EPB41L4B: variants seen among roughly 807,000 people sequenced by gnomAD.
EPB41L4B encodes the protein erythrocyte membrane protein band 4.1 like 4B, also known as band 4.1-like protein 4B.
In EPB41L4B, 30 loss-of-function variants were observed where a neutral mutation model predicts 112.5. That is an observed-to-expected ratio of 0.27 (90% CI 0.20 to 0.36). The LOEUF (loss-of-function observed/expected upper bound fraction) is 0.36. Among genes scored for constraint, EPB41L4B ranks in the 10% least tolerant of loss-of-function variants. The pLI, the probability that EPB41L4B is intolerant of heterozygous loss-of-function variation, is 1.00. For missense variants in EPB41L4B, 1,024 were observed against 1,133.3 expected (o/e 0.90, Z 1.38); for synonymous variants, 408 against 439.7 (o/e 0.93, Z 0.90).
At chr9:109,233,581 A>C (rs1464711072) in intron 15 of EPB41L4B, among the ~76,000 whole-genome samples, 1 of 137,754 alleles carries the variant, frequency 7.3e-6, no homozygotes, top group Non-Finnish European at 1.5e-5. Flanking sequence ...CCCAGGCTGG[A>C]GTGCAGTGGT....
chr9:109,224,633 T>A (rs925920912), intron 15 of EPB41L4B, among the ~76,000 whole-genome samples: 1 of 152,152 alleles, frequency 6.6e-6, no homozygotes, highest in Non-Finnish European at 1.5e-5. Flanking sequence ...ATTGCAGCGA[T>A]GGTTGCACAA....
chr9:109,295,745 C>G (rs1836711246), intron 1 of EPB41L4B, among the ~76,000 whole-genome samples: 1 of 152,018 alleles, frequency 6.6e-6, no homozygotes, highest in Admixed American at 6.6e-5. Flanking sequence ...AGGTTAAGAA[C>G]CAAATATGCA....
chr9:109,238,728 C>T (rs371780950), intron 15 of EPB41L4B, among the ~76,000 whole-genome samples: 3 of 152,120 alleles, frequency 2.0e-5, no homozygotes, highest in African/African-American at 7.2e-5. Context: ...GAGGTGGGGC[C>T]GTCAAGAGTC....
intron 2 of EPB41L4B, among the ~76,000 whole-genome samples, chr9:109,273,052 T>C (rs1470473241): frequency 6.6e-6 from 1 of 152,110 alleles, no homozygotes; most frequent in South Asian, 2.1e-4. Flanking sequence ...CTCCCCATGA[T>C]GACCAAGCCC....
At chr9:109,270,574 A>G (rs1472566710) in intron 2 of EPB41L4B, among the ~76,000 whole-genome samples, 1 of 152,244 alleles carries the variant, frequency 6.6e-6, no homozygotes, top group Admixed American at 6.5e-5. Context: ...TTTCCTACCA[A>G]GTAACATGCT....
chr9:109,293,751 C>A (rs949578452), intron 1 of EPB41L4B, among the ~76,000 whole-genome samples: 1 of 149,904 alleles, frequency 6.7e-6, no homozygotes, highest in Non-Finnish European at 1.5e-5. Flanking sequence ...TTGAAGGGCA[C>A]TAACTCTGTT....
chr9:109,265,551 A>AAC (rs10631824), intron 4 of EPB41L4B, among the ~76,000 whole-genome samples: 126,408 of 150,012 alleles, frequency 0.84, 53,570 homozygotes, highest in Middle Eastern at 0.94. Context: ...ACAGCACACA[A>AAC]ACACACACAC....
At chr9:109,261,523 G>A (rs1835202378) in intron 6 of EPB41L4B, among the ~76,000 whole-genome samples, 1 of 152,052 alleles carries the variant, frequency 6.6e-6, no homozygotes, top group Non-Finnish European at 1.5e-5. Context: ...GGTGACTGAA[G>A]AATAGAAGTT....
At chr9:109,242,314 A>G (rs959993938) in intron 15 of EPB41L4B, among the ~76,000 whole-genome samples, 10 of 152,232 alleles carry the variant, frequency 6.6e-5, no homozygotes, top group Admixed American at 4.6e-4. Flanking sequence ...ACAAGCTTCC[A>G]GATGACACTA....
intron 1 of EPB41L4B, among the ~76,000 whole-genome samples, chr9:109,316,603 C>T (rs1400742020): frequency 6.6e-6 from 1 of 152,138 alleles, no homozygotes; most frequent in Non-Finnish European, 1.5e-5. Context: ...GAGGTGCTGT[C>T]GAAGGCAGGG....
rs775938693 is a variant in EPB41L4B, at chr9:109,185,554, G to A, written c.2353C>T (p.Leu785Phe). 95 of 1,613,190 alleles carry A rather than the reference G, an allele frequency of 5.9e-5. No homozygotes were observed. The highest frequency in any genetic ancestry group is 7.6e-5 in the Non-Finnish European group (90 of 1,179,592). Residue 785 changes from leucine (L) to phenylalanine (F), a missense_variant, in exon 23 of 26, where the codon CTC becomes TTC. By Grantham distance (22) the Leu-to-Phe change is conservative. Coordinates refer to ENST00000374566, the MANE Select transcript of EPB41L4B (RefSeq NM_019114.5). ...HCAHSRCSPPLSLPMKEETTG... is the reference protein window; with the variant it reads ...HCAHSRCSPPFSLPMKEETTG... ...GTCTCTTCCTTCATGGGGAGAGAGA[G>A]TGGAGGAGAACAGCGAGAGTGGGCA...
At chr9:109,281,722 AAATTAATT>A (rs66525536) in intron 1 of EPB41L4B, among the ~76,000 whole-genome samples, 15,443 of 125,382 alleles carry the variant, frequency 0.12, 1,083 homozygotes, top group African/African-American at 0.22. Flanking sequence ...ATAAATAAAT[AAATTAATT>A]AATTAATTTT....
At chr9:109,240,744 A>T in intron 15 of EPB41L4B, 2 of 985,454 alleles carry the variant, frequency 2.0e-6, no homozygotes, top group Non-Finnish European at 2.4e-6. Context: ...GCCATAAATG[A>T]TCTTGATTGC....
At chr9:109,202,107 G>A (rs2118751920) in intron 19 of EPB41L4B, among the ~76,000 whole-genome samples, 1 of 152,262 alleles carries the variant, frequency 6.6e-6, no homozygotes, top group East Asian at 1.9e-4. Context: ...AATAAGGTAG[G>A]AGAAAAGCAA....
intron 15 of EPB41L4B, among the ~76,000 whole-genome samples, chr9:109,218,842 G>A (rs910127859): frequency 3.9e-5 from 6 of 152,148 alleles, no homozygotes; most frequent in Non-Finnish European, 5.9e-5. Flanking sequence ...TTCCCTGGCA[G>A]GGCTAACCCC....
chr9:109,303,883 C>T (rs996418534), intron 1 of EPB41L4B, among the ~76,000 whole-genome samples: 3 of 152,042 alleles, frequency 2.0e-5, no homozygotes, highest in African/African-American at 7.2e-5. Flanking sequence ...CAGTGCTTTT[C>T]CCATTATGTT....
chr9:109,269,892 T>C (rs999881943), intron 2 of EPB41L4B, among the ~76,000 whole-genome samples: 6 of 152,104 alleles, frequency 3.9e-5, no homozygotes, highest in Non-Finnish European at 8.8e-5. Flanking sequence ...CCATTATGAC[T>C]GTGTGGGAGG....
chr9:109,242,599 T>C (rs560540923), intron 15 of EPB41L4B, among the ~76,000 whole-genome samples: 1 of 152,370 alleles, frequency 6.6e-6, no homozygotes, highest in Non-Finnish European at 1.5e-5. Flanking sequence ...GACTACCAAG[T>C]GTTTATAAAC....
At chr9:109,269,469 G>A (rs1835531195) in intron 2 of EPB41L4B, among the ~76,000 whole-genome samples, 1 of 152,186 alleles carries the variant, frequency 6.6e-6, no homozygotes, top group Non-Finnish European at 1.5e-5. Context: ...ACTGCATTTA[G>A]GAGCATTCTA....
Sources: allele counts gnomAD v4.1 joint callset (sites outside exome capture counted in the v4.1 genomes callset), GRCh38; gene constraint gnomAD v4.1.1; transcripts MANE v1.5; gene names NCBI Gene and HGNC (gene_info 2026-07-23, HGNC 2026-07-21).